ZNF606: variants seen among roughly 807,000 people sequenced by gnomAD.
The protein encoded by ZNF606 is zinc finger protein 328.
A neutral mutation model predicts 74.9 loss-of-function variants in ZNF606; 37 were observed. The ratio of observed to expected loss-of-function variants is 0.49; its 90% CI spans 0.38 to 0.65. The LOEUF is 0.65. ZNF606 is among the 30% of genes least tolerant of loss of function. ZNF606 has a pLI of 0.00. For synonymous variants in ZNF606, 328 were observed against 312.4 expected, an observed-to-expected ratio of 1.05 and a Z score of -0.53; for missense variants, 852 against 952.9, an observed-to-expected ratio of 0.89 and a Z score of 1.39.
rs1015695946 is a variant in ZNF606, at chr19:57,978,035, A to C, written c.*266T>G. On this transcript the variant is annotated 3_prime_UTR_variant, in exon 7 of 7. Coordinates refer to ENST00000551380, the MANE Select transcript of ZNF606 (RefSeq NM_001348022.3). The surrounding 1 kb of genome is among the most constrained non-coding windows in gnomAD (Gnocchi z 4.4). ...TCATTCCCCACAGTCATGGTCCTCA[A>C]GTATGAATTACTGGTAGACCATAAG... is the stretch of plus-strand genomic sequence containing the variant. 2 of 286,764 alleles carry C rather than the reference A, an allele frequency of 7.0e-6. No homozygotes were observed. Among genetic ancestry groups the C allele is most frequent in the East Asian group, 1.3e-4 (2 of 15,728 alleles). The allele number at this position is 286,764 out of a possible 1,614,324, so 17.8% of individuals were successfully genotyped here.
chr19:57,997,960 GC>G (rs1473530927), intron 4 of ZNF606: 5 of 152,192 alleles, frequency 3.3e-5, no homozygotes, highest in Non-Finnish European at 7.3e-5. Flanking sequence ...TAGCAACACT[GC>G]CAAGTGGGAA....
chr19:58,001,931 C>T (rs902898418), intron 1 of ZNF606: 10 of 338,786 alleles, frequency 3.0e-5, no homozygotes, highest in African/African-American at 1.9e-4. Context: ...ATTTACTAAG[C>T]CTAAGCTTGT....
chr19:57,992,019 C>T (rs2073268978), intron 4 of ZNF606, among the ~76,000 whole-genome samples: 1 of 152,116 alleles, frequency 6.6e-6, no homozygotes, highest in Admixed American at 6.6e-5. Flanking sequence ...AAACCCACAC[C>T]CTAATGGCTG....
At position 58,001,951 on chromosome 19, in the gene ZNF606, G is replaced by A. The variant is rs112639230; in HGVS notation, c.-52+445C>T. The stretch of plus-strand genomic sequence containing the variant: ...CTAAGCCTAAGCTTGTGTGTGTGTG[G>A]AGGACTTAGAGATGGGCCTGGCGCC... On this transcript the variant is annotated intron_variant, in intron 1 of 6. Coordinates refer to ENST00000551380, the MANE Select transcript of ZNF606 (RefSeq NM_001348022.3). 1.9e-3 allele frequency: 648 copies of A among 346,580 alleles called. 3 individuals are homozygous for A. Among genetic ancestry groups the A allele is most frequent in the African/African-American group, 0.013 (612 of 46,620 alleles). 21.5% of individuals were successfully genotyped at this position (346,580 alleles called of 1,614,324 possible).
At chr19:58,002,973 G>T (rs1326821803), upstream of ZNF606, 1 of 455,842 alleles carries the variant, frequency 2.2e-6, no homozygotes, top group Non-Finnish European at 4.4e-6. Flanking sequence ...CGAAGCCGGC[G>T]GCAGGATGGA....
At chr19:57,982,630 C>A (rs370115867) in intron 6 of ZNF606, among the ~76,000 whole-genome samples, 3 of 152,106 alleles carry the variant, frequency 2.0e-5, no homozygotes, top group Admixed American at 1.3e-4. Context: ...TTTTACCACC[C>A]AAGTCCATTA....
chr19:57,984,118 A>C (rs1555788836), intron 6 of ZNF606, among the ~76,000 whole-genome samples: 2 of 152,228 alleles, frequency 1.3e-5, no homozygotes. Flanking sequence ...AGAGGAAGAA[A>C]ATCTTGGGAG....
chr19:57,994,620 G>C (rs1410779027), intron 4 of ZNF606, among the ~76,000 whole-genome samples: 1 of 152,168 alleles, frequency 6.6e-6, no homozygotes, highest in Non-Finnish European at 1.5e-5. Flanking sequence ...TAGAAATCTA[G>C]GGATGGGGGA....
At chr19:57,994,369 A>G (rs1568582095) in intron 4 of ZNF606, among the ~76,000 whole-genome samples, 1 of 152,226 alleles carries the variant, frequency 6.6e-6, no homozygotes, top group Non-Finnish European at 1.5e-5. Flanking sequence ...AACCTAAAGG[A>G]AAAGGACAAG....
At chr19:58,000,227 T>TA (rs2073399407) in intron 3 of ZNF606, 2 of 384,130 alleles carry the variant, frequency 5.2e-6, no homozygotes, top group East Asian at 8.1e-5. Flanking sequence ...TCACTGGTTT[T>TA]CTTTTTTTTT....
chr19:57,985,096 G>A (rs1322747391), intron 6 of ZNF606, among the ~76,000 whole-genome samples: 2 of 151,716 alleles, frequency 1.3e-5, no homozygotes, highest in Non-Finnish European at 1.5e-5. Context: ...CTCCATCTCA[G>A]AACAAAAACA....
intron 6 of ZNF606, among the ~76,000 whole-genome samples, chr19:57,982,297 C>T (rs1006635033): frequency 6.6e-6 from 1 of 152,124 alleles, no homozygotes; most frequent in Non-Finnish European, 1.5e-5. Flanking sequence ...CTGCTTCTGT[C>T]ATCACATCCT....
rs765886824 is a variant in ZNF606 at position 58,002,701 on chromosome 19, G to A, written c.-357C>T. ...GGGCAGGCGCAGGACCCACCCTGAC[G>A]CCGCCTCTCCCAGCCGGCTCTCCTG... On this transcript the variant is annotated 5_prime_UTR_variant, in exon 1 of 7. Coordinates refer to ENST00000551380, the MANE Select transcript of ZNF606 (RefSeq NM_001348022.3). 10 of 453,714 alleles carry A rather than the reference G, an allele frequency of 2.2e-5. No homozygotes were observed. Among genetic ancestry groups the A allele is most frequent in the Admixed American group, 7.1e-5 (3 of 42,398 alleles). 28.1% of individuals were successfully genotyped at this position (453,714 alleles called of 1,614,324 possible).
intron 6 of ZNF606, among the ~76,000 whole-genome samples, chr19:57,982,226 C>G (rs970877255): frequency 2.0e-5 from 3 of 152,186 alleles, no homozygotes; most frequent in African/African-American, 7.2e-5. Context: ...CTTCTAGAAG[C>G]TGCCCCAATT....
At chr19:58,000,473 C>T in intron 3 of ZNF606, 1 of 646,384 alleles carries the variant, frequency 1.5e-6, no homozygotes. Context: ...GATCCACTCG[C>T]CTCGGCCTCC....
In ZNF606 at chr19:58,002,463, T is replaced by C. The variant is rs1181942145; in HGVS notation, c.-119A>G. ...GATCGGGGTCTGCCCGCCTGGGGCGTTTGGCTTTTGTCCCGCGCCGAGGTC... is the reference window on the plus strand; with the variant it reads ...GATCGGGGTCTGCCCGCCTGGGGCGCTTGGCTTTTGTCCCGCGCCGAGGTC... On this transcript the variant is annotated 5_prime_UTR_variant, in exon 1 of 7. Coordinates refer to ENST00000551380, the MANE Select transcript of ZNF606 (RefSeq NM_001348022.3). The C allele has an allele frequency of 2.2e-6, 1 of 454,756 alleles. No individual in the cohort carries two copies. Among genetic ancestry groups the C allele is most frequent in the African/African-American group, 2.0e-5 (1 of 50,012 alleles). The allele number at this position is 454,756 out of a possible 1,614,324, so 28.2% of individuals were successfully genotyped here.
intron 4 of ZNF606, among the ~76,000 whole-genome samples, chr19:57,993,619 G>T (rs2073292980): frequency 6.6e-6 from 1 of 152,230 alleles, no homozygotes; most frequent in African/African-American, 2.4e-5. Flanking sequence ...AGTGCCTGTG[G>T]GTAGTACTGC....
At chr19:57,998,160 A>G (rs1047849935) in intron 4 of ZNF606, 5 of 152,184 alleles carry the variant, frequency 3.3e-5, no homozygotes, top group Non-Finnish European at 5.9e-5. Flanking sequence ...ATAAGTAATG[A>G]AACTCTTTTT....
At chr19:57,987,082 C>T (rs1368324918) in intron 6 of ZNF606, among the ~76,000 whole-genome samples, 1 of 151,882 alleles carries the variant, frequency 6.6e-6, no homozygotes, top group Admixed American at 6.6e-5. Flanking sequence ...AGAGCAAGAC[C>T]TTGTCTCAAA....
Sources: gnomAD v4.1 joint callset for allele counts (sites outside exome capture counted in the v4.1 genomes callset) on GRCh38, gnomAD v4.1.1 for gene constraint, Gnocchi (gnomAD v3.1) non-coding constraint, MANE v1.5 for transcripts, NCBI Gene and HGNC (gene_info 2026-07-23, HGNC 2026-07-21) for gene names.